ADAMTS14: variants seen among roughly 807,000 people sequenced by gnomAD.
ADAMTS14 encodes the protein ADAM metallopeptidase with thrombospondin type 1 motif 14.
In ADAMTS14, 100 loss-of-function variants were observed where a neutral mutation model predicts 128.6. The observed-to-expected ratio is 0.78, with a 90% CI of 0.66 to 0.92. The LOEUF is 0.92. Among genes scored for constraint, ADAMTS14 ranks in the 40% least tolerant of loss-of-function variants. The probability of loss-of-function intolerance (pLI) is 0.00; values close to 1 mark genes in which losing one functional copy is unlikely to be tolerated. For synonymous variants in ADAMTS14, 665 were observed against 653.8 expected (o/e 1.02, Z -0.26); for missense variants, 1,562 against 1,658.6 (o/e 0.94, Z 1.01).
chr10:70,731,111 T>C (rs1841624354), intron 6 of ADAMTS14, among the ~76,000 whole-genome samples: 1 of 141,320 alleles, frequency 7.1e-6, no homozygotes, highest in Non-Finnish European at 1.6e-5. Flanking sequence ...TCCACACACA[T>C]GTACAGGCCC....
Position 70,708,736 on chromosome 10 carries a change from C to T in ADAMTS14, c.828C>T (p.Gly276=). 6.2e-7 allele frequency: 1 copy of T among 1,601,040 alleles called. No individual in the cohort carries two copies. The highest frequency in any genetic ancestry group is 8.5e-7 in the Non-Finnish European group (1 of 1,171,846). The part of the protein sequence containing the change: ...VVDDSVVRFH[G]KEHVQNYVLT... ...ACGACTCGGTGGTTCGCTTCCATGG[C>T]AAGGAGCATGTGCAGAACTATGTCC... The change falls in exon 4 of 22, where the codon GGC becomes GGT. Residue 276 remains glycine (G), a synonymous_variant. Coordinates refer to ENST00000373207, the MANE Select transcript of ADAMTS14 (RefSeq NM_080722.4).
intron 3 of ADAMTS14, among the ~76,000 whole-genome samples, chr10:70,703,776 T>C (rs938997320): frequency 2.6e-5 from 4 of 152,192 alleles, no homozygotes; most frequent in African/African-American, 9.6e-5. Flanking sequence ...CTGAGACCAC[T>C]GAGCACACGG....
At chr10:70,680,959 A>G (rs1839783485) in intron 2 of ADAMTS14, among the ~76,000 whole-genome samples, 2 of 152,218 alleles carry the variant, frequency 1.3e-5, no homozygotes, top group African/African-American at 4.8e-5. Context: ...TTACTTTTTA[A>G]CAGTGATTAT....
rs1482855891 is a variant in ADAMTS14 at position 70,761,124 on chromosome 10, A to C, written c.*271A>C. The C allele has an allele frequency of 2.4e-6, 1 of 410,006 alleles. No homozygotes were observed. Among genetic ancestry groups the C allele is most frequent in the Non-Finnish European group, 4.3e-6 (1 of 232,542 alleles). The allele number at this position is 410,006 out of a possible 1,614,324, so 25.4% of individuals were successfully genotyped here. On this transcript the variant is annotated 3_prime_UTR_variant, in exon 22 of 22. Transcript: ENST00000373207. ...GGGCCCCTGTTGGTCTCCCCTGCCA[A>C]GACCAGGGTCAACTATTGCTCCCTC...
rs12257640 is a variant in ADAMTS14 at position 70,710,718 on chromosome 10, C to T, written c.870+1940C>T. Among the ~76,000 whole-genome samples the T allele has an allele frequency of 4.9e-3, 741 of 152,338 alleles. 10 individuals carry two copies. The highest frequency in any genetic ancestry group is 0.017 in the African/African-American group (699 of 41,578). On this transcript the variant is annotated intron_variant, in intron 4 of 21. Transcript: ENST00000373207. ...TTCTGCACTTTGAAAGCAGCATTAA[C>T]AGTACTTACTACCAGAGGTTTTGGG...
intron 2 of ADAMTS14, among the ~76,000 whole-genome samples, chr10:70,699,575 CT>C (rs1840434851): frequency 6.6e-6 from 1 of 152,022 alleles, no homozygotes; most frequent in Non-Finnish European, 1.5e-5. Flanking sequence ...GCACGATGAT[CT>C]TGAAAGGTCT....
At chr10:70,700,510 A>G (rs1398522068) in intron 2 of ADAMTS14, among the ~76,000 whole-genome samples, 1 of 152,202 alleles carries the variant, frequency 6.6e-6, no homozygotes, top group African/African-American at 2.4e-5. Context: ...GACAGGGGAC[A>G]TATAGCCTGT....
intron 4 of ADAMTS14, among the ~76,000 whole-genome samples, chr10:70,713,735 G>A (rs138355031): frequency 2.4e-3 from 373 of 152,324 alleles, no homozygotes; most frequent in Admixed American, 3.6e-3. Flanking sequence ...ACAGCTTGCC[G>A]CTGTGTATGG....
At chr10:70,760,065 T>C (rs1842569297) in intron 21 of ADAMTS14, among the ~76,000 whole-genome samples, 1 of 151,362 alleles carries the variant, frequency 6.6e-6, no homozygotes, top group Non-Finnish European at 1.5e-5. Flanking sequence ...GGCTGGGTGG[T>C]GCTGGAGGAT....
At chr10:70,756,306 A>G (rs1344127631) in intron 19 of ADAMTS14, among the ~76,000 whole-genome samples, 2 of 152,228 alleles carry the variant, frequency 1.3e-5, no homozygotes, top group Non-Finnish European at 2.9e-5. Context: ...GAATATTTGT[A>G]AAGAACCAAA....
chr10:70,756,318 A>G (rs1158683711), intron 19 of ADAMTS14, among the ~76,000 whole-genome samples: 2 of 152,220 alleles, frequency 1.3e-5, no homozygotes, highest in Non-Finnish European at 2.9e-5. Context: ...AGAACCAAAA[A>G]TCCACACACA....
At chr10:70,689,853 G>A (rs1344235398) in intron 2 of ADAMTS14, among the ~76,000 whole-genome samples, 1 of 145,144 alleles carries the variant, frequency 6.9e-6, no homozygotes, top group Non-Finnish European at 1.6e-5. Context: ...GACTGCCAGG[G>A]CCTGCCCCTC....
chr10:70,712,927 A>G (rs539677294), intron 4 of ADAMTS14, among the ~76,000 whole-genome samples: 1 of 152,268 alleles, frequency 6.6e-6, no homozygotes, highest in South Asian at 2.1e-4. Context: ...ACAGCCCTAC[A>G]CAGCAGTGTG....
At chr10:70,723,374 A>AGACTTCTAACT (rs1321092533) in intron 4 of ADAMTS14, among the ~76,000 whole-genome samples, 1 of 152,224 alleles carries the variant, frequency 6.6e-6, no homozygotes, top group Non-Finnish European at 1.5e-5. Context: ...AAATCTGAAT[A>AGACTTCTAACT]AAATGTAGAC....
rs1842589964 is a variant in ADAMTS14, at chr10:70,760,647, G to A, written c.3466G>A (p.Asp1156Asn). Residue 1156 changes from aspartate to asparagine, a missense_variant, in exon 22 of 22, where the codon GAT (aspartate) becomes AAT (asparagine). Coordinates refer to ENST00000373207, the MANE Select transcript of ADAMTS14 (RefSeq NM_080722.4). ...AGCCACACAGCTCCCAGGAGCTCTG[G>A]ATACAAGCTCCCCAGGGACCCAGCA... ...GRATQLPGAL[D>N]TSSPGTQHPF... The A allele has an allele frequency of 6.2e-6, 10 of 1,614,124 alleles. No homozygotes were observed. The East Asian group carries it at 2.0e-4, about 32-fold the overall frequency.
intron 2 of ADAMTS14, among the ~76,000 whole-genome samples, chr10:70,698,727 A>T (rs746074314): frequency 5.3e-5 from 8 of 152,200 alleles, no homozygotes; most frequent in Non-Finnish European, 8.8e-5. Flanking sequence ...CTTATTCCTC[A>T]GATTACGTAG....
Position 70,738,834 on chromosome 10 carries a change from T to C in ADAMTS14, c.1600-8T>C, listed in dbSNP as rs1332624859. 6.2e-7 allele frequency: 1 copy of C among 1,613,954 alleles called. No homozygotes were observed. Among genetic ancestry groups the C allele is most frequent in the South Asian group, 1.1e-5 (1 of 91,086 alleles). On this transcript the variant is annotated splice_region_variant and splice_polypyrimidine_tract_variant and intron_variant, in intron 10 of 21. Transcript: ENST00000373207. ...CAGGGTGACCTCATGCCCTCTGCTCTGCCCCAGTGGTGCTTCAAAGGTCAC... is the reference window on the plus strand; with the variant it reads ...CAGGGTGACCTCATGCCCTCTGCTCCGCCCCAGTGGTGCTTCAAAGGTCAC...
intron 2 of ADAMTS14, among the ~76,000 whole-genome samples, chr10:70,686,274 C>T (rs1341974053): frequency 1.5e-4 from 19 of 125,302 alleles, no homozygotes; most frequent in South Asian, 2.8e-4. Context: ...TCAGCCTTTG[C>T]TTTTTTTTTT....
At chr10:70,735,514 G>A (rs952789264) in intron 9 of ADAMTS14, among the ~76,000 whole-genome samples, 6 of 152,232 alleles carry the variant, frequency 3.9e-5, no homozygotes, top group Non-Finnish European at 7.3e-5. Context: ...ATTAGCCCTG[G>A]GAAAGATGGG....
Sources: allele counts gnomAD v4.1 joint callset (sites outside exome capture counted in the v4.1 genomes callset), GRCh38; gene constraint gnomAD v4.1.1; transcripts MANE v1.5; gene names NCBI Gene and HGNC (gene_info 2026-07-23, HGNC 2026-07-21).